The following DCTN1 variants were observed in gnomAD, a reference collection of about 807,000 sequenced individuals.
DCTN1 encodes dynactin subunit 1.
Under a neutral mutation model 161.2 loss-of-function variants are expected in DCTN1, and 61 were observed. The ratio of observed to expected loss-of-function variants is 0.38; its 90% CI spans 0.31 to 0.47. DCTN1 has a LOEUF of 0.47. DCTN1 is among the 20% of genes least tolerant of loss of function. DCTN1 has a pLI of 0.99. For synonymous variants in DCTN1, 653 were observed against 632.4 expected, an observed-to-expected ratio of 1.03 and a Z score of -0.49; for missense variants, 1,404 against 1,623.7, an observed-to-expected ratio of 0.86 and a Z score of 2.33.
At chr2:74,373,249 G>C in intron 6 of DCTN1, 2 of 471,878 alleles carry the variant, frequency 4.2e-6, no homozygotes, top group South Asian at 4.2e-5. Flanking sequence ...CTGAGCCATA[G>C]AACAAGGAAG....
rs751177222 is a variant in DCTN1 at position 74,378,185 on chromosome 2, G to A, written c.94C>T (p.Arg32Cys). 17 of 1,613,502 alleles carry A rather than the reference G, an allele frequency of 1.1e-5. No homozygotes were observed. The highest frequency in any genetic ancestry group is 5.0e-5 in the Admixed American group (3 of 60,004). Reference sequence around the variant, plus strand: ...TGGCCTTTTCCAATCACCTCTACACGGGAGCCCACCCGCAGAGGCCGGGCG... The same window carrying A: ...TGGCCTTTTCCAATCACCTCTACACAGGAGCCCACCCGCAGAGGCCGGGCG... The part of the protein sequence containing the change: ...ASARPLRVGS[R>C]VEVIGKGHRG... The change falls in exon 2 of 32, where the codon CGT (arginine) becomes TGT (cysteine). Residue 32 changes from arginine (R) to cysteine (C), a missense_variant. Transcript: ENST00000628224.
Position 74,370,553 on chromosome 2 carries a change from G to A in DCTN1, c.1049-9C>T, listed in dbSNP as rs1674761341. 1.2e-6 allele frequency: 2 copies of A among 1,613,980 alleles called. No homozygotes were observed. The highest frequency in any genetic ancestry group is 1.7e-6 in the Non-Finnish European group (2 of 1,180,052). ...TGCAGCGCCATCTGAGCCTGGAGAAGATCATTAACACTTTCAGGCATGGTT... is the reference window on the plus strand; with the variant it reads ...TGCAGCGCCATCTGAGCCTGGAGAAAATCATTAACACTTTCAGGCATGGTT... On this transcript the variant is annotated splice_polypyrimidine_tract_variant and intron_variant, in intron 10 of 31. Transcript: ENST00000628224. The surrounding 1 kb of genome is among the most constrained non-coding windows in gnomAD (Gnocchi z 4.4).
intron 8 of DCTN1, 41 bp downstream of exon 8, chr2:74,371,496 T>G (rs1674842665): frequency 6.5e-7 from 1 of 1,534,772 alleles, no homozygotes; most frequent in African/African-American, 1.4e-5. Context: ...CACAAGCCTC[T>G]GGGTGTCTTG....
intron 29 of DCTN1, 131 bp downstream of exon 29, chr2:74,362,863 C>T: frequency 7.5e-7 from 1 of 1,334,884 alleles, no homozygotes. Context: ...ATCAAACAAA[C>T]TGAACAGTGA....
intron 5 of DCTN1, among the ~76,000 whole-genome samples, chr2:74,376,424 A>C (rs1426110891): frequency 6.6e-6 from 1 of 152,198 alleles, no homozygotes; most frequent in African/African-American, 2.4e-5. Flanking sequence ...GTGAGAACAC[A>C]CTGTAACCCA....
At chr2:74,363,858 A>G (rs1476297963) in intron 26 of DCTN1, 3 of 629,530 alleles carry the variant, frequency 4.8e-6, no homozygotes, top group Non-Finnish European at 8.8e-6. Flanking sequence ...ACAGGGTACA[A>G]TGTGTGAAGA....
chr2:74,374,713 T>G, intron 5 of DCTN1: 1 of 1,185,366 alleles, frequency 8.4e-7, no homozygotes, highest in Non-Finnish European at 1.1e-6. Flanking sequence ...CACCCTCCTC[T>G]GCTCCATGGG....
chr2:74,369,200 T>A lies in DCTN1; in HGVS notation c.1599A>T (p.Glu533Asp), dbSNP rs1173850014. 2.5e-6 allele frequency: 4 copies of A among 1,614,224 alleles called. No homozygotes were observed. Among genetic ancestry groups the A allele is most frequent in the Non-Finnish European group, 2.5e-6 (3 of 1,180,036 alleles). Residue 533 changes from glutamate (E) to aspartate (D), a missense_variant, in exon 15 of 32, where the codon GAA (glutamate) becomes GAT (aspartate). By Grantham distance (45) the Glu-to-Asp change is conservative (BLOSUM62 2). This residue lies in a region of DCTN1 where 278 missense variants were observed against 363.8 expected (regional missense o/e 0.76). Transcript: ENST00000628224. This position sits in a 1 kb window ranked among gnomAD's most constrained non-coding sequence, Gnocchi z 4.9. ...LTAHLQDVNRELTNQQEASVE... is the reference protein window; with the variant it reads ...LTAHLQDVNRDLTNQQEASVE... ...CAGATGCTTCCTGCTGGTTTGTCAG[T>A]TCCCGATTCACATCCTAGGAGGAGA... is the stretch of plus-strand genomic sequence containing the variant.
chr2:74,369,200 T>C lies in DCTN1; in HGVS notation c.1599A>G (p.Glu533=). The C allele has an allele frequency of 1.9e-6, 3 of 1,614,224 alleles. No homozygotes were observed. The highest frequency in any genetic ancestry group is 2.5e-6 in the Non-Finnish European group (3 of 1,180,036). Residue 533 remains glutamate (E), a synonymous_variant, in exon 15 of 32, where the codon GAA becomes GAG. Transcript: ENST00000628224. This position sits in a 1 kb window ranked among gnomAD's most constrained non-coding sequence, Gnocchi z 4.9. ...LTAHLQDVNR[E]LTNQQEASVE... The stretch of plus-strand genomic sequence containing the variant: ...CAGATGCTTCCTGCTGGTTTGTCAG[T>C]TCCCGATTCACATCCTAGGAGGAGA...
intron 5 of DCTN1, among the ~76,000 whole-genome samples, chr2:74,375,748 T>C (rs1675184819): frequency 6.6e-6 from 1 of 152,216 alleles, no homozygotes; most frequent in South Asian, 2.1e-4. Context: ...ATTTTCCTTA[T>C]ATCCCCATTC....
intron 6 of DCTN1, chr2:74,374,093 T>C: frequency 1.7e-6 from 1 of 589,704 alleles, no homozygotes; most frequent in Non-Finnish European, 3.2e-6. Flanking sequence ...GGCCACTGGG[T>C]GTTAAGGCCT....
intron 5 of DCTN1, chr2:74,374,693 G>A (rs1675119599): frequency 7.5e-6 from 9 of 1,196,398 alleles, no homozygotes; most frequent in Admixed American, 3.6e-5. Context: ...TCCACCTGAC[G>A]TCATGCACCC....
rs531498026 is a variant in DCTN1 at position 74,367,301 on chromosome 2, C to T, written c.2253+51G>A. On this transcript the variant is annotated intron_variant, in intron 19 of 31. Transcript: ENST00000628224. The stretch of plus-strand genomic sequence containing the variant: ...GGTGCCTGATCTCTTGACCTGATGC[C>T]CTCCATTTCTGATCTCCACGGGGGC... 41 of 1,605,068 alleles carry T rather than the reference C, an allele frequency of 2.6e-5. 1 individual carries two copies. The South Asian group carries it at 3.9e-4, about 15-fold the overall frequency.
At chr2:74,371,499 G>A in intron 8 of DCTN1, 38 bp downstream of exon 8, 2 of 1,539,442 alleles carry the variant, frequency 1.3e-6, no homozygotes, top group East Asian at 2.4e-5. Flanking sequence ...AAGCCTCTGG[G>A]TGTCTTGATT....
upstream of DCTN1, chr2:74,380,598 C>G (rs1484359049): frequency 2.1e-6 from 1 of 471,258 alleles, no homozygotes; most frequent in South Asian, 1.5e-5. Flanking sequence ...CTCCACACAG[C>G]CAAAATAAGG....
intron 16 of DCTN1, 68 bp downstream of exon 16, chr2:74,368,660 C>T (rs763828764): frequency 9.3e-6 from 15 of 1,609,130 alleles, no homozygotes; most frequent in Non-Finnish European, 1.3e-5. Context: ...CTTCACTCAG[C>T]ATCTTCAATG....
rs756567178 is a variant in DCTN1 at position 74,369,240 on chromosome 2, G to A, written c.1585-26C>T. ...CTAGGAGGAGAGACAGTGAAGCACAGCTGGGTCATAAGGAAGCCCTGGGGT... is the reference window on the plus strand; with the variant it reads ...CTAGGAGGAGAGACAGTGAAGCACAACTGGGTCATAAGGAAGCCCTGGGGT... On this transcript the variant is annotated intron_variant, in intron 14 of 31. Transcript: ENST00000628224. This position sits in a 1 kb window ranked among gnomAD's most constrained non-coding sequence, Gnocchi z 4.9. 1.7e-5 allele frequency: 27 copies of A among 1,614,042 alleles called. No individual in the cohort carries two copies. The Admixed American group carries it at 4.3e-4, about 26-fold the overall frequency.
chr2:74,376,688 G>A, intron 5 of DCTN1, 54 bp downstream of exon 5: 1 of 1,549,778 alleles, frequency 6.5e-7, no homozygotes, highest in Non-Finnish European at 8.8e-7. Flanking sequence ...CAGGACAGCT[G>A]GGGAAGGGGC....
chr2:74,391,326 A>C (rs1558957382), intron 1 of DCTN1: 1 of 176,032 alleles, frequency 5.7e-6, no homozygotes, highest in Admixed American at 5.8e-5. Context: ...AAGACAAGGG[A>C]TGCGCAAGAT....
Sources: gnomAD v4.1 joint callset for allele counts (sites outside exome capture counted in the v4.1 genomes callset) on GRCh38, gnomAD v4.1.1 for gene constraint, gnomAD v4.1.1 regional missense constraint, Gnocchi (gnomAD v3.1) non-coding constraint, MANE v1.5 for transcripts, NCBI Gene and HGNC (gene_info 2026-07-23, HGNC 2026-07-21) for gene names.